The following TMC2 variants were observed in gnomAD, a reference collection of about 807,000 sequenced individuals.
TMC2 encodes transmembrane channel like 2.
TMC2 carries 102 observed loss-of-function variants against 105.9 expected under a neutral mutation model. The observed-to-expected ratio is 0.96, with a 90% CI of 0.82 to 1.14. TMC2 has a LOEUF of 1.14. Ranked by LOEUF, TMC2 falls within the 50% of genes most tolerant of loss-of-function variation. The pLI, the probability that TMC2 is intolerant of heterozygous loss-of-function variation, is 0.00. For synonymous variants in TMC2, 402 were observed against 422.8 expected, an observed-to-expected ratio of 0.95 and a Z score of 0.60; for missense variants, 1,093 against 1,134.3, an observed-to-expected ratio of 0.96 and a Z score of 0.52.
intron 16 of TMC2, among the ~76,000 whole-genome samples, chr20:2,623,901 A>G (rs1312684537): frequency 6.6e-6 from 1 of 152,214 alleles, no homozygotes; most frequent in Non-Finnish European, 1.5e-5. Context: ...CCCAGGCCCA[A>G]AGGAAGCTCC....
At chr20:2,555,667 AC>A (rs1016210019) in intron 2 of TMC2, among the ~76,000 whole-genome samples, 9 of 152,030 alleles carry the variant, frequency 5.9e-5, no homozygotes, top group African/African-American at 2.2e-4. Flanking sequence ...GTTAATGTTT[AC>A]CATATTTGTT....
intron 16 of TMC2, among the ~76,000 whole-genome samples, chr20:2,620,477 G>T (rs541841968): frequency 1.8e-3 from 267 of 152,248 alleles, no homozygotes; most frequent in Non-Finnish European, 2.5e-3. Flanking sequence ...CAGAAGTCAG[G>T]AATAGAAATA....
At chr20:2,560,556 G>A (rs1290881848) in intron 3 of TMC2, among the ~76,000 whole-genome samples, 1 of 152,168 alleles carries the variant, frequency 6.6e-6, no homozygotes, top group Non-Finnish European at 1.5e-5. Context: ...AGGAGTCAGA[G>A]GCCGGGCGTG....
At chr20:2,567,628 C>A (rs886649418) in intron 4 of TMC2, among the ~76,000 whole-genome samples, 1 of 152,046 alleles carries the variant, frequency 6.6e-6, no homozygotes, top group African/African-American at 2.4e-5. Flanking sequence ...GAACTCTTGG[C>A]TCAAGCAATC....
In TMC2 at chr20:2,620,845, A is replaced by C. The variant is rs528366190; in HGVS notation, c.2181-3426A>C. Among the ~76,000 whole-genome samples the C allele has an allele frequency of 2.6e-5, 4 of 152,302 alleles. No homozygotes were observed. In the South Asian group the frequency reaches 6.2e-4, roughly 24 times the overall value. On this transcript the variant is annotated intron_variant, in intron 16 of 19. Coordinates refer to ENST00000358864, the MANE Select transcript of TMC2 (RefSeq NM_080751.3). ...ATTATTCTCAGGACTTTAAAACTTA[A>C]TGGAGCTTGGCTGATTGGATTTCAA...
chr20:2,539,777 A>G (rs1460786318), intron 2 of TMC2, among the ~76,000 whole-genome samples: 2 of 152,168 alleles, frequency 1.3e-5, no homozygotes, highest in African/African-American at 4.8e-5. Flanking sequence ...CTCACTGGCT[A>G]ACACTGACTA....
intron 16 of TMC2, among the ~76,000 whole-genome samples, chr20:2,619,211 C>T (rs1374218845): frequency 6.6e-6 from 1 of 152,126 alleles, no homozygotes; most frequent in Non-Finnish European, 1.5e-5. Flanking sequence ...CAGTCAGATG[C>T]ATGGTCACAA....
At position 2,597,148 on chromosome 20, in the gene TMC2, C is replaced by G. The variant is rs553728608; in HGVS notation, c.1077-3C>G. The G allele has an allele frequency of 6.2e-7, 1 of 1,613,366 alleles. No individual in the cohort carries two copies. The highest frequency in any genetic ancestry group is 1.3e-5 in the African/African-American group (1 of 74,852). On this transcript the variant is annotated splice_region_variant and splice_polypyrimidine_tract_variant and intron_variant, in intron 9 of 19. Coordinates refer to ENST00000358864, the MANE Select transcript of TMC2 (RefSeq NM_080751.3). The stretch of plus-strand genomic sequence containing the variant: ...CGTCACAACAGTGCTGTGTGCCCTA[C>G]AGGATGGCCAGCAATACCCAAGGAA...
intron 17 of TMC2, among the ~76,000 whole-genome samples, chr20:2,628,236 T>G (rs2086577890): frequency 6.6e-6 from 1 of 152,118 alleles, no homozygotes; most frequent in African/African-American, 2.4e-5. Context: ...CCAAGAATAC[T>G]GTATTCCTTA....
chr20:2,582,739 G>C (rs747419193), intron 7 of TMC2, among the ~76,000 whole-genome samples: 1 of 152,210 alleles, frequency 6.6e-6, no homozygotes, highest in Non-Finnish European at 1.5e-5. Context: ...GCCTCCCAAA[G>C]TGTTGGGATT....
chr20:2,561,788 A>G, intron 3 of TMC2, 70 bp from the exon 4 acceptor site: 1 of 1,534,082 alleles, frequency 6.5e-7, no homozygotes, highest in Non-Finnish European at 8.8e-7. Flanking sequence ...GCCCCTCCTC[A>G]TTCCACAGCA....
intron 17 of TMC2, among the ~76,000 whole-genome samples, chr20:2,625,962 C>A (rs1203974652): frequency 1.3e-5 from 2 of 152,146 alleles, no homozygotes; most frequent in Non-Finnish European, 2.9e-5. Flanking sequence ...ATCTGAACCA[C>A]CTGGGTGTAT....
At chr20:2,603,848 T>C (rs1008268258) in intron 11 of TMC2, among the ~76,000 whole-genome samples, 5 of 152,076 alleles carry the variant, frequency 3.3e-5, no homozygotes, top group African/African-American at 1.2e-4. Context: ...GCCAGTGTCT[T>C]AGCCTATGTT....
chr20:2,602,285 G>A lies in TMC2; in HGVS notation c.1397G>A (p.Trp466Ter). The A allele has an allele frequency of 6.3e-7, 1 of 1,597,050 alleles. No individual in the cohort carries two copies. The highest frequency in any genetic ancestry group is 1.3e-5 in the African/African-American group (1 of 74,206). Residue 466 changes from tryptophan to a stop codon, truncating the protein, a stop_gained, in exon 11 of 20, where the codon TGG becomes TAG. Coordinates refer to ENST00000358864, the MANE Select transcript of TMC2 (RefSeq NM_080751.3). LOFTEE classifies it high-confidence loss of function. ...QQFSKMQNVS[W>*]YERNEVEIVM... The stretch of plus-strand genomic sequence containing the variant: ...TTCTCCAAAATGCAGAATGTCAGCT[G>A]GTATGAAAGGAATGAGGTAAGAAAA...
At position 2,641,636 on chromosome 20, in the gene TMC2, C is replaced by T. The variant is rs1172874684; in HGVS notation, c.*285C>T. 3 of 358,208 alleles carry T rather than the reference C, an allele frequency of 8.4e-6. No individual in the cohort carries two copies. Among genetic ancestry groups the T allele is most frequent in the African/African-American group, 6.1e-5 (3 of 49,410 alleles). The allele number at this position is 358,208 out of a possible 1,614,324, so 22.2% of individuals were successfully genotyped here. ...GAACCCCACGCTCACAGTGGTCGACCTTGCCTCCCGATTTTCGGAGTTGGG... is the reference window on the plus strand; with the variant it reads ...GAACCCCACGCTCACAGTGGTCGACTTTGCCTCCCGATTTTCGGAGTTGGG... On this transcript the variant is annotated 3_prime_UTR_variant, in exon 20 of 20. Transcript: ENST00000358864.
At chr20:2,543,427 G>C (rs975536593) in intron 2 of TMC2, among the ~76,000 whole-genome samples, 2 of 152,160 alleles carry the variant, frequency 1.3e-5, no homozygotes, top group Non-Finnish European at 2.9e-5. Context: ...ATTGAAGGCA[G>C]GTCTTTCAAA....
intron 11 of TMC2, among the ~76,000 whole-genome samples, chr20:2,602,514 TG>T (rs1319665822): frequency 4.6e-5 from 7 of 152,334 alleles, no homozygotes; most frequent in Admixed American, 2.6e-4. Flanking sequence ...CTAGAAAAAC[TG>T]GATTAGCAAC....
intron 17 of TMC2, among the ~76,000 whole-genome samples, chr20:2,631,928 G>A (rs1035795825): frequency 2.0e-5 from 3 of 151,510 alleles, no homozygotes; most frequent in African/African-American, 2.4e-5. Flanking sequence ...TACATTTGCT[G>A]TTGTCCCATA....
intron 12 of TMC2, among the ~76,000 whole-genome samples, chr20:2,611,829 A>AGTGGATGG (rs1259740993): frequency 2.7e-5 from 3 of 111,430 alleles, no homozygotes; most frequent in Non-Finnish European, 5.2e-5. Flanking sequence ...TAGATGGATG[A>AGTGGATGG]ATGGATGGAT....
Sources: gnomAD v4.1 joint callset for allele counts (sites outside exome capture counted in the v4.1 genomes callset) on GRCh38, gnomAD v4.1.1 for gene constraint, MANE v1.5 for transcripts, NCBI Gene and HGNC (gene_info 2026-07-23, HGNC 2026-07-21) for gene names.